FTO: variants seen among roughly 807,000 people sequenced by gnomAD.
FTO encodes FTO alpha-ketoglutarate dependent dioxygenase.
A neutral mutation model predicts 63.9 loss-of-function variants in FTO; 47 were observed. The ratio of observed to expected loss-of-function variants is 0.74; its 90% CI spans 0.58 to 0.94. The LOEUF (loss-of-function observed/expected upper bound fraction) is 0.94. FTO is among the 40% of genes least tolerant of loss of function. FTO has a pLI of 0.00. For synonymous variants in FTO, 207 were observed against 224.4 expected (o/e 0.92, Z 0.69); for missense variants, 562 against 618.1 (o/e 0.91, Z 0.96).
chr16:53,942,177 C>T (rs1054506155), intron 8 of FTO, among the ~76,000 whole-genome samples: 49 of 152,254 alleles, frequency 3.2e-4, no homozygotes, highest in African/African-American at 1.2e-3. Context: ...GAAGTAAGCA[C>T]TGGTTATTCA....
intron 1 of FTO, among the ~76,000 whole-genome samples, chr16:53,797,706 T>C (rs183315201): frequency 8.3e-4 from 127 of 152,262 alleles, no homozygotes; most frequent in African/African-American, 3.0e-3. Context: ...GTGTTTAATA[T>C]ATATATTTTT....
intron 1 of FTO, among the ~76,000 whole-genome samples, chr16:53,796,253 A>G (rs2078068229): frequency 6.6e-6 from 1 of 152,066 alleles, no homozygotes; most frequent in South Asian, 2.1e-4. Flanking sequence ...AATGTCGGCC[A>G]GGCTAATCTG....
chr16:54,102,432 T>G (rs2086659677), intron 8 of FTO, among the ~76,000 whole-genome samples: 1 of 152,154 alleles, frequency 6.6e-6, no homozygotes. Context: ...AACAATCAGC[T>G]GGGCATTGTT....
intron 1 of FTO, among the ~76,000 whole-genome samples, chr16:53,737,278 T>C (rs1051158382): frequency 6.6e-6 from 1 of 152,258 alleles, no homozygotes; most frequent in Non-Finnish European, 1.5e-5. Context: ...CATACACACA[T>C]ATACAATCAT....
At chr16:54,058,515 A>G (rs2085493618) in intron 8 of FTO, among the ~76,000 whole-genome samples, 2 of 152,208 alleles carry the variant, frequency 1.3e-5, no homozygotes, top group Admixed American at 1.3e-4. Flanking sequence ...GAACAGGACC[A>G]GGTACCAAAA....
chr16:53,730,386 A>T (rs1023939132), intron 1 of FTO, among the ~76,000 whole-genome samples: 3 of 152,052 alleles, frequency 2.0e-5, no homozygotes, highest in Admixed American at 2.0e-4. Flanking sequence ...TTTGTATTTC[A>T]ATTCAGTAAG....
At chr16:53,948,465 TG>T (rs751139430) in intron 8 of FTO, among the ~76,000 whole-genome samples, 2 of 152,232 alleles carry the variant, frequency 1.3e-5, no homozygotes, top group South Asian at 4.1e-4. Context: ...TGTGTGTGTA[TG>T]CCAGAATCTG....
intron 7 of FTO, among the ~76,000 whole-genome samples, chr16:53,929,600 T>G (rs992833913): frequency 1.3e-5 from 2 of 152,238 alleles, no homozygotes; most frequent in African/African-American, 4.8e-5. Flanking sequence ...TATGTTTAAC[T>G]TTATAAGAAA....
intron 8 of FTO, among the ~76,000 whole-genome samples, chr16:53,986,701 T>G (rs1278456101): frequency 6.6e-6 from 1 of 152,232 alleles, no homozygotes; most frequent in Admixed American, 6.5e-5. Context: ...AGAGTGTGTC[T>G]AATCTTTATG....
At chr16:53,981,912 CAA>C (rs540781287) in intron 8 of FTO, 35 of 95,428 alleles carry the variant, frequency 3.7e-4, no homozygotes, top group South Asian at 3.3e-4. Context: ...GCTCTGTTTC[CAA>C]AAAAAAAAAA....
intron 7 of FTO, among the ~76,000 whole-genome samples, chr16:53,924,940 A>G (rs1050896662): frequency 6.6e-6 from 1 of 152,172 alleles, no homozygotes; most frequent in African/African-American, 2.4e-5. Context: ...AGGCCTCACA[A>G]AAGAGCCATC....
chr16:53,829,833 G>A (rs1302502455), intron 3 of FTO, among the ~76,000 whole-genome samples: 11 of 152,118 alleles, frequency 7.2e-5, no homozygotes, highest in Admixed American at 7.2e-4. Context: ...GAAATCACTT[G>A]ATTCTAGCCT....
intron 1 of FTO, among the ~76,000 whole-genome samples, chr16:53,786,258 C>G (rs1000767488): frequency 6.6e-6 from 1 of 152,012 alleles, no homozygotes; most frequent in Admixed American, 6.5e-5. Flanking sequence ...GATTATAGGC[C>G]ATAAGTGAGA....
chr16:53,849,826 G>A (rs890309187), intron 4 of FTO, among the ~76,000 whole-genome samples: 2 of 152,130 alleles, frequency 1.3e-5, no homozygotes, highest in African/African-American at 4.8e-5. Flanking sequence ...ACTCTTAAGC[G>A]GGGGCTCCCT....
At chr16:53,960,576 C>G (rs2083051555) in intron 8 of FTO, among the ~76,000 whole-genome samples, 2 of 152,138 alleles carry the variant, frequency 1.3e-5, no homozygotes, top group African/African-American at 4.8e-5. Flanking sequence ...ACCTCTGGTG[C>G]TGGGGGAATC....
chr16:53,963,835 C>T (rs1233936613), intron 8 of FTO, among the ~76,000 whole-genome samples: 1 of 152,206 alleles, frequency 6.6e-6, no homozygotes, highest in African/African-American at 2.4e-5. Context: ...TCACTGCAGC[C>T]TCCGCCTCCC....
At chr16:53,780,093 GACTT>G (rs1381760795) in intron 1 of FTO, among the ~76,000 whole-genome samples, 9 of 152,142 alleles carry the variant, frequency 5.9e-5, no homozygotes, top group Non-Finnish European at 1.2e-4. Context: ...ACTCTTCAGT[GACTT>G]AATGACAAAC....
chr16:53,966,468 C>A lies in FTO; in HGVS notation c.1364+32359C>A, dbSNP rs530096254. On this transcript the variant is annotated intron_variant, in intron 8 of 8. Transcript: ENST00000471389. ...CAAAATCAACAAGGAAAATTCCAAG[C>A]AGCTGCCTTTATAACTTCTGATTTG... Among the ~76,000 whole-genome samples the A allele has an allele frequency of 2.7e-3, 405 of 152,288 alleles. 2 individuals are homozygous for A. Among genetic ancestry groups the A allele is most frequent in the Non-Finnish European group, 4.8e-3 (326 of 68,014 alleles).
At chr16:53,930,173 A>G (rs2082244182) in intron 7 of FTO, among the ~76,000 whole-genome samples, 1 of 151,320 alleles carries the variant, frequency 6.6e-6, no homozygotes, top group Non-Finnish European at 1.5e-5. Context: ...TCTCTCTAGA[A>G]TGAAATAAAT....
Sources: allele counts gnomAD v4.1 joint callset (sites outside exome capture counted in the v4.1 genomes callset), GRCh38; gene constraint gnomAD v4.1.1; transcripts MANE v1.5; gene names NCBI Gene and HGNC (gene_info 2026-07-23, HGNC 2026-07-21).